The following PLA2G4A variants were observed in gnomAD, a reference collection of about 807,000 sequenced individuals.
PLA2G4A encodes the protein cytosolic phospholipase A2.
In PLA2G4A, 40 loss-of-function variants were observed where a neutral mutation model predicts 81.9. The observed-to-expected ratio is 0.49, with a 90% CI of 0.38 to 0.64. The LOEUF (loss-of-function observed/expected upper bound fraction) is 0.64. Among genes scored for constraint, PLA2G4A ranks in the 30% least tolerant of loss-of-function variants. PLA2G4A has a pLI of 0.00. For synonymous variants in PLA2G4A, 302 were observed against 296.9 expected, an observed-to-expected ratio of 1.02 and a Z score of -0.18; for missense variants, 715 against 905.1, an observed-to-expected ratio of 0.79 and a Z score of 2.69.
chr1:186,852,171 A>G (rs1325707750), intron 1 of PLA2G4A, among the ~76,000 whole-genome samples: 1 of 151,990 alleles, frequency 6.6e-6, no homozygotes, highest in African/African-American at 2.4e-5. Flanking sequence ...TGAAACACAC[A>G]AAAAACCTGC....
At chr1:186,864,755 T>C (rs1254393129) in intron 2 of PLA2G4A, among the ~76,000 whole-genome samples, 2 of 151,562 alleles carry the variant, frequency 1.3e-5, no homozygotes, top group Non-Finnish European at 2.9e-5. Flanking sequence ...ATCTTCTTAC[T>C]GCAATAAGAA....
chr1:186,934,455 T>C (rs1277450033), intron 8 of PLA2G4A, among the ~76,000 whole-genome samples: 5 of 93,406 alleles, frequency 5.4e-5, no homozygotes, highest in African/African-American at 3.3e-4. Flanking sequence ...TATATATATA[T>C]ATATATATAC....
rs917757924 is a variant in PLA2G4A, at chr1:186,912,750, G to A, written c.558+1361G>A. On this transcript the variant is annotated intron_variant, in intron 7 of 17. Transcript: ENST00000367466. Reference sequence around the variant, plus strand: ...TATATACATATATATACATATATATGTATATATATACATAAGTATATATAT... The same window carrying A: ...TATATACATATATATACATATATATATATATATATACATAAGTATATATAT... Among the ~76,000 whole-genome samples the A allele has an allele frequency of 2.6e-4, 36 of 136,700 alleles. No individual in the cohort carries two copies. In the East Asian group the frequency reaches 5.8e-3, roughly 22 times the overall value. The allele number at this position is 136,700 out of a possible 152,430, so 89.7% of individuals were successfully genotyped here.
At chr1:186,854,213 A>G in intron 1 of PLA2G4A, 73 bp from the exon 2 acceptor site, 1 of 639,602 alleles carries the variant, frequency 1.6e-6, no homozygotes, top group South Asian at 1.9e-5. Context: ...CCTAAGACGC[A>G]TACTCATAAT....
chr1:186,901,398 T>C (rs1388728657), intron 5 of PLA2G4A, among the ~76,000 whole-genome samples: 1 of 152,218 alleles, frequency 6.6e-6, no homozygotes, highest in Non-Finnish European at 1.5e-5. Flanking sequence ...TGGTAAGTTC[T>C]ATCATGGAGT....
intron 2 of PLA2G4A, among the ~76,000 whole-genome samples, chr1:186,867,757 A>C (rs7532616): frequency 0.84 from 128,392 of 152,062 alleles, 54,366 homozygotes; most frequent in African/African-American, 0.9. Flanking sequence ...TGACAGGGAA[A>C]CTCCTTGCCT....
chr1:186,894,561 CAG>C (rs147621153), intron 5 of PLA2G4A, among the ~76,000 whole-genome samples: 678 of 147,824 alleles, frequency 4.6e-3, no homozygotes, highest in Non-Finnish European at 4.5e-3. Flanking sequence ...GAGCTGGGGG[CAG>C]AGAGAGAGAG....
At chr1:186,937,870 C>A (rs187234912) in intron 8 of PLA2G4A, among the ~76,000 whole-genome samples, 4 of 151,926 alleles carry the variant, frequency 2.6e-5, no homozygotes, top group Admixed American at 6.6e-5. Context: ...TGAAAGCCAC[C>A]GTGAGTCTTC....
intron 13 of PLA2G4A, among the ~76,000 whole-genome samples, chr1:186,954,846 T>C (rs1656691979): frequency 6.6e-6 from 1 of 152,184 alleles, no homozygotes; most frequent in South Asian, 2.1e-4. Flanking sequence ...ATAAATAAGA[T>C]TGATGATTAT....
intron 2 of PLA2G4A, 49 bp downstream of exon 2, chr1:186,854,436 G>C (rs1241853480): frequency 1.6e-6 from 2 of 1,220,116 alleles, no homozygotes; most frequent in East Asian, 2.3e-5. Context: ...GGTCTGATAT[G>C]TTTCTGTGAA....
At chr1:186,923,605 G>T (rs369379487) in intron 7 of PLA2G4A, among the ~76,000 whole-genome samples, 1 of 152,196 alleles carries the variant, frequency 6.6e-6, no homozygotes, top group Non-Finnish European at 1.5e-5. Flanking sequence ...TAATAAAGAG[G>T]TGTGAACTGA....
intron 8 of PLA2G4A, among the ~76,000 whole-genome samples, chr1:186,934,136 C>A (rs534612170): frequency 7.2e-5 from 11 of 152,034 alleles, no homozygotes; most frequent in Non-Finnish European, 1.2e-4. Context: ...AATCTTGGAC[C>A]CTTACATTAG....
chr1:186,867,778 C>A (rs952560418), intron 2 of PLA2G4A, among the ~76,000 whole-genome samples: 2 of 152,118 alleles, frequency 1.3e-5, no homozygotes, highest in African/African-American at 4.8e-5. Context: ...TGCTCCTGAT[C>A]TTTTCGGGGA....
At chr1:186,937,663 G>C (rs911873435) in intron 8 of PLA2G4A, among the ~76,000 whole-genome samples, 1 of 150,742 alleles carries the variant, frequency 6.6e-6, no homozygotes, top group South Asian at 2.1e-4. Context: ...AACCCAATAA[G>C]GAATTATAAT....
intron 3 of PLA2G4A, among the ~76,000 whole-genome samples, chr1:186,882,397 T>G (rs1378286982): frequency 6.6e-6 from 1 of 152,154 alleles, no homozygotes; most frequent in Admixed American, 6.6e-5. Flanking sequence ...TGAATAAACT[T>G]TAGCTATCAG....
In PLA2G4A at chr1:186,979,943, C is replaced by CTTTT. The variant is rs34029312; in HGVS notation, c.2118+490_2118+493dup. On this transcript the variant is annotated intron_variant, in intron 17 of 17. Coordinates refer to ENST00000367466, the MANE Select transcript of PLA2G4A (RefSeq NM_024420.3). ...GCATCACAAAACGTAACAGCATTTC[C>CTTTT]TTTTTTTTTTTTTTTTTTTTTTGAG... Among the ~76,000 whole-genome samples the CTTTT allele has an allele frequency of 7.1e-3, 698 of 98,736 alleles. 8 individuals carry two copies. The highest frequency in any genetic ancestry group is 0.014 in the East Asian group (43 of 3,060). The allele number at this position is 98,736 out of a possible 152,430, so 64.8% of individuals were successfully genotyped here. A position where few individuals can be genotyped will look rare whatever the true frequency, so the allele number is the denominator to read the frequency against.
intron 7 of PLA2G4A, among the ~76,000 whole-genome samples, chr1:186,918,929 T>C (rs1204063867): frequency 6.6e-6 from 1 of 152,252 alleles, no homozygotes; most frequent in African/African-American, 2.4e-5. Flanking sequence ...AACAGGGCTG[T>C]TGCTGCCAGG....
chr1:186,974,058 ATG>A (rs1306757315), intron 15 of PLA2G4A, among the ~76,000 whole-genome samples: 1 of 151,424 alleles, frequency 6.6e-6, no homozygotes. Context: ...GTATATATGT[ATG>A]TGTGTTCGTA....
At chr1:186,915,773 A>T (rs892018121) in intron 7 of PLA2G4A, among the ~76,000 whole-genome samples, 1 of 152,022 alleles carries the variant, frequency 6.6e-6, no homozygotes, top group Non-Finnish European at 1.5e-5. Flanking sequence ...GTGTGATTTG[A>T]GCTCCACCAA....
Sources: allele counts gnomAD v4.1 joint callset (sites outside exome capture counted in the v4.1 genomes callset), GRCh38; gene constraint gnomAD v4.1.1; transcripts MANE v1.5; gene names NCBI Gene and HGNC (gene_info 2026-07-23, HGNC 2026-07-21).